PHKB: variants seen among roughly 807,000 people sequenced by gnomAD.
PHKB encodes the protein phosphorylase kinase regulatory subunit beta, also known as phosphorylase b kinase regulatory subunit beta.
Under a neutral mutation model 152.1 loss-of-function variants are expected in PHKB, and 122 were observed. The ratio of observed to expected loss-of-function variants is 0.80; its 90% CI spans 0.69 to 0.93. PHKB has a LOEUF of 0.93. Among genes scored for constraint, PHKB ranks in the 40% least tolerant of loss-of-function variants. The probability of loss-of-function intolerance (pLI) is 0.00; values close to 1 mark genes in which losing one functional copy is unlikely to be tolerated. For synonymous variants in PHKB, 436 were observed against 464.9 expected (o/e 0.94, Z 0.80); for missense variants, 1,304 against 1,328.4 (o/e 0.98, Z 0.29).
chr16:47,698,790 T>C (rs1476343601), intron 30 of PHKB, among the ~76,000 whole-genome samples: 1 of 152,050 alleles, frequency 6.6e-6, no homozygotes, highest in East Asian at 1.9e-4. Context: ...GCTGTGAAGT[T>C]CTGACAAAAA....
At chr16:47,504,494 T>G (rs908533263) in intron 4 of PHKB, among the ~76,000 whole-genome samples, 3 of 152,246 alleles carry the variant, frequency 2.0e-5, no homozygotes, top group Non-Finnish European at 4.4e-5. Flanking sequence ...TTTCATGATC[T>G]GAGTGTCCAC....
intron 24 of PHKB, chr16:47,664,228 GA>G (rs930098618): frequency 1.5e-3 from 223 of 144,202 alleles, no homozygotes; most frequent in South Asian, 0.014. Context: ...CCCAGAGATT[GA>G]AAAAAAAAAA....
chr16:47,502,134 G>T (rs1970334107), intron 3 of PHKB, among the ~76,000 whole-genome samples: 1 of 152,100 alleles, frequency 6.6e-6, no homozygotes, highest in Non-Finnish European at 1.5e-5. Context: ...AAGGAGAGAA[G>T]TGATACTTTT....
chr16:47,650,683 C>A, intron 19 of PHKB, 57 bp downstream of exon 19: 1 of 1,342,578 alleles, frequency 7.4e-7, no homozygotes, highest in Non-Finnish European at 1.1e-6. Flanking sequence ...CACAGTGAGC[C>A]CTTGGGAAGA....
Position 47,567,767 on chromosome 16 carries a change from G to A in PHKB, c.711-12528G>A, listed in dbSNP as rs981341709. On this transcript the variant is annotated intron_variant, in intron 7 of 30. Transcript: ENST00000323584. ...TCATGAAGGGATGCTGGATTTTATC[G>A]AATGCTTTTTCCGCATCTTTTAAAA... Among the ~76,000 whole-genome samples, 13 of 152,098 alleles carry A rather than the reference G, an allele frequency of 8.5e-5. 1 individual carries two copies. Among genetic ancestry groups the A allele is most frequent in the African/African-American group, 2.4e-4 (10 of 41,420 alleles).
chr16:47,693,569 C>T, intron 28 of PHKB, 62 bp downstream of exon 28: 1 of 1,534,258 alleles, frequency 6.5e-7, no homozygotes, highest in East Asian at 2.2e-5. Flanking sequence ...GAATCCTTTC[C>T]TCTTGCACTG....
intron 6 of PHKB, among the ~76,000 whole-genome samples, chr16:47,523,123 G>A (rs189869056): frequency 2.6e-5 from 4 of 152,136 alleles, no homozygotes; most frequent in Non-Finnish European, 4.4e-5. Context: ...AGTAAGTCCA[G>A]TGTTTGGACT....
intron 14 of PHKB, among the ~76,000 whole-genome samples, chr16:47,637,234 C>G (rs1972937516): frequency 6.6e-6 from 1 of 152,224 alleles, no homozygotes; most frequent in South Asian, 2.1e-4. Flanking sequence ...TAAAGCTCCT[C>G]TCCGCCTTGC....
chr16:47,515,730 T>C (rs1257993320), intron 6 of PHKB, 129 bp downstream of exon 6: 4 of 659,614 alleles, frequency 6.1e-6, no homozygotes, highest in Non-Finnish European at 1.1e-5. Context: ...AATCAGATAG[T>C]AGATGTTGGT....
chr16:47,479,328 G>C (rs563554528), intron 1 of PHKB, among the ~76,000 whole-genome samples: 3 of 152,188 alleles, frequency 2.0e-5, no homozygotes, highest in South Asian at 2.1e-4. Context: ...TGTTTTAGTT[G>C]GTTCATGATC....
At chr16:47,493,190 C>T (rs55717385) in intron 1 of PHKB, among the ~76,000 whole-genome samples, 17,601 of 152,072 alleles carry the variant, frequency 0.12, 1,397 homozygotes, top group Non-Finnish European at 0.16. Context: ...TGCTTGCTGT[C>T]TCATTCCTGA....
At chr16:47,631,699 A>C (rs1972830678) in intron 14 of PHKB, among the ~76,000 whole-genome samples, 1 of 151,336 alleles carries the variant, frequency 6.6e-6, no homozygotes. Context: ...TCATTGTTCA[A>C]CTCCCGCTTA....
intron 1 of PHKB, among the ~76,000 whole-genome samples, chr16:47,473,218 ATTTTTTTTTTTTTTTTTTTTTTTTTTTT>A (rs1043960499): frequency 2.1e-5 from 1 of 48,738 alleles, no homozygotes; most frequent in Non-Finnish European, 3.7e-5. Flanking sequence ...TGCCTGGCTA[ATTTTTTTTTTTTTTTTTTTTTTTTTTTT>A]TTTTTTATTG....
In PHKB at chr16:47,587,828, C is replaced by T; in HGVS notation, c.870+65C>T. On this transcript the variant is annotated intron_variant, in intron 9 of 30. Transcript: ENST00000323584. ...GTTTATGATTTCTATGTAGTTATAT[C>T]TTAATTTCCAGTAAAGTACTCTAAA... 2.5e-6 allele frequency: 3 copies of T among 1,201,168 alleles called. No individual in the cohort carries two copies. In the Admixed American group the frequency reaches 5.2e-5, roughly 21 times the overall value. The allele number at this position is 1,201,168 out of a possible 1,614,324, so 74.4% of individuals were successfully genotyped here.
intron 7 of PHKB, among the ~76,000 whole-genome samples, chr16:47,563,184 T>C (rs557161044): frequency 6.6e-6 from 1 of 151,442 alleles, no homozygotes; most frequent in African/African-American, 2.4e-5. Flanking sequence ...CCTGTTAGTA[T>C]TGACATTTTG....
rs150657014 is a variant in PHKB at position 47,544,744 on chromosome 16, A to C, written c.595-2689A>C. Among the ~76,000 whole-genome samples, 1,144 of 152,284 alleles carry C rather than the reference A, an allele frequency of 7.5e-3. 19 individuals are homozygous for C. Among genetic ancestry groups the C allele is most frequent in the African/African-American group, 0.026 (1,084 of 41,546 alleles). ...GTCTAAGTCTCTTTGTAAGTCTCTA[A>C]GGACTTGCTTTATGAATCTAGGTGC... On this transcript the variant is annotated intron_variant, in intron 6 of 30. Transcript: ENST00000323584.
At chr16:47,546,299 C>A (rs565134450) in intron 6 of PHKB, among the ~76,000 whole-genome samples, 2 of 152,124 alleles carry the variant, frequency 1.3e-5, no homozygotes, top group South Asian at 4.1e-4. Flanking sequence ...TCGTTGATGT[C>A]GATGCTATTC....
rs1472592889 is a variant in PHKB, at chr16:47,610,765, G to C, written c.1364-61G>C. 26 of 902,388 alleles carry C rather than the reference G, an allele frequency of 2.9e-5. No homozygotes were observed. In the Admixed American group the frequency reaches 4.6e-4, roughly 16 times the overall value. The allele number at this position is 902,388 out of a possible 1,614,324, so 55.9% of individuals were successfully genotyped here. ...TGTTGGAGTATTTTCTAAAAGTCTA[G>C]TTGGTTTATAGTGTTATGCAAATGC... On this transcript the variant is annotated intron_variant, in intron 13 of 30. Coordinates refer to ENST00000323584, the MANE Select transcript of PHKB (RefSeq NM_000293.3).
At chr16:47,627,418 C>T (rs952268873) in intron 14 of PHKB, among the ~76,000 whole-genome samples, 5 of 152,164 alleles carry the variant, frequency 3.3e-5, no homozygotes, top group African/African-American at 1.2e-4. Flanking sequence ...AGGGGTGAAA[C>T]AGTTTTACAA....
Sources: allele counts gnomAD v4.1 joint callset (sites outside exome capture counted in the v4.1 genomes callset), GRCh38; gene constraint gnomAD v4.1.1; transcripts MANE v1.5; gene names NCBI Gene and HGNC (gene_info 2026-07-23, HGNC 2026-07-21).